Variants in CEP250 observed in about 807,000 individuals in gnomAD.
CEP250 encodes the protein centrosomal protein 250, also known as centrosome-associated protein CEP250.
In CEP250, 242 loss-of-function variants were observed where a neutral mutation model predicts 315.7. The observed-to-expected ratio is 0.77, with a 90% confidence interval of 0.69 to 0.85. The LOEUF (loss-of-function observed/expected upper bound fraction) is 0.85, where lower values mean the gene tolerates loss of function less well. Among genes scored for constraint, CEP250 ranks in the 40% least tolerant of loss-of-function variants. The pLI is 0.00. For synonymous variants in CEP250, 1,088 were observed against 1,175.0 expected (o/e 0.93, Z 1.51); for missense variants, 2,515 against 2,886.4 (o/e 0.87, Z 2.95).
At chr20:35,508,877 G>A in intron 32 of CEP250, 66 bp from the exon 33 acceptor site, 1 of 1,360,810 alleles carries the variant, frequency 7.3e-7, no homozygotes, top group Admixed American at 2.0e-5. Flanking sequence ...CACCTCTGGA[G>A]AAAGGCAGCT....
At chr20:35,480,851 G>T (rs2063327605) in intron 20 of CEP250, among the ~76,000 whole-genome samples, 1 of 151,976 alleles carries the variant, frequency 6.6e-6, no homozygotes, top group Non-Finnish European at 1.5e-5. Context: ...GCCTCCTAAA[G>T]TGCAGGGTAC....
rs1332642187 is a variant in CEP250, at chr20:35,473,994, G to A, written c.1513G>A (p.Gly505Ser). ...TCAGCTGCAGGGGGACTCTGCCCAGGGCCAGAAGGAGGAACAGCAGGAGGA... is the reference window on the plus strand; with the variant it reads ...TCAGCTGCAGGGGGACTCTGCCCAGAGCCAGAAGGAGGAACAGCAGGAGGA... ...ELQLQGDSAQGQKEEQQEELH... is the reference protein window; with the variant it reads ...ELQLQGDSAQSQKEEQQEELH... Residue 505 changes from glycine (G) to serine (S), a missense_variant, in exon 14 of 35, where the codon GGC (glycine) becomes AGC (serine). Gly to Ser is a moderately conservative substitution (Grantham distance 56, BLOSUM62 0). Coordinates refer to ENST00000397527, the MANE Select transcript of CEP250 (RefSeq NM_007186.6). The A allele has an allele frequency of 1.9e-6, 3 of 1,604,310 alleles. No individual in the cohort carries two copies. The highest frequency in any genetic ancestry group is 1.3e-5 in the African/African-American group (1 of 74,368).
chr20:35,470,102 C>A, intron 10 of CEP250, 116 bp downstream of exon 10: 2 of 703,474 alleles, frequency 2.8e-6, no homozygotes, highest in Admixed American at 2.8e-5. Context: ...TCCTCTAAAG[C>A]TAAAAAATAA....
rs1017932885 is a variant in CEP250, at chr20:35,517,543, G to A, written c.*5917G>A. ...CCCATGCATCCAAACTTTTTTCTTT[G>A]GTAGACTTTCTTGTCATCTATTTAA... On this transcript the variant is annotated 3_prime_UTR_variant, in exon 35 of 35. Transcript: ENST00000397527. 1 of 152,076 alleles carries A rather than the reference G, an allele frequency of 6.6e-6. No individual in the cohort carries two copies. Among genetic ancestry groups the A allele is most frequent in the Admixed American group, 6.5e-5 (1 of 15,268 alleles). 9.4% of individuals were successfully genotyped at this position (152,076 alleles called of 1,614,324 possible). A position where few individuals can be genotyped will look rare whatever the true frequency, so the allele number is the denominator to read the frequency against.
Position 35,466,997 on chromosome 20 carries a change from G to A in CEP250, c.524G>A (p.Gly175Asp). 1.9e-6 allele frequency: 3 copies of A among 1,613,814 alleles called. No individual in the cohort carries two copies. Among genetic ancestry groups the A allele is most frequent in the Non-Finnish European group, 2.5e-6 (3 of 1,179,726 alleles). Reference sequence around the variant, plus strand: ...AAGGGCTACCTGAAAGGGGAGCACGGTCGCCTTCTCAGTCTATGGCGGGAG... The same window carrying A: ...AAGGGCTACCTGAAAGGGGAGCACGATCGCCTTCTCAGTCTATGGCGGGAG... ...FFKGYLKGEHGRLLSLWREVV... is the reference protein window; with the variant it reads ...FFKGYLKGEHDRLLSLWREVV... Residue 175 changes from glycine (G) to aspartate (D), a missense_variant, in exon 8 of 35, where the codon GGT (glycine) becomes GAT (aspartate). Physicochemically the swap from Gly to Asp is moderately conservative, Grantham distance 94. Transcript: ENST00000397527.
chr20:35,505,158 T>C (rs748224297), intron 30 of CEP250, among the ~76,000 whole-genome samples, 153 bp downstream of exon 30: 6 of 152,164 alleles, frequency 3.9e-5, no homozygotes, highest in Non-Finnish European at 5.9e-5. Flanking sequence ...CAGGCTACTG[T>C]GCTAGTCGGG....
intron 14 of CEP250, 110 bp from the exon 15 acceptor site, chr20:35,475,392 A>G: frequency 8.5e-7 from 1 of 1,175,278 alleles, no homozygotes; most frequent in East Asian, 2.4e-5. Context: ...ATCAGTGTTT[A>G]TAGACCATCC....
rs1042285745 is a variant in CEP250, at chr20:35,514,964, G to C, written c.*3338G>C. 1 of 152,248 alleles carries C rather than the reference G, an allele frequency of 6.6e-6. No individual in the cohort carries two copies. The highest frequency in any genetic ancestry group is 1.5e-5 in the Non-Finnish European group (1 of 68,086). 9.4% of individuals were successfully genotyped at this position (152,248 alleles called of 1,614,324 possible). On this transcript the variant is annotated 3_prime_UTR_variant, in exon 35 of 35. Transcript: ENST00000397527. Reference sequence around the variant, plus strand: ...AATAGGCCCTGTTTTATTCTACAGAGATAGGAAGGCACTGGGGCTCACAGA... The same window carrying C: ...AATAGGCCCTGTTTTATTCTACAGACATAGGAAGGCACTGGGGCTCACAGA...
intron 21 of CEP250, 148 bp from the exon 22 acceptor site, chr20:35,491,064 C>T: frequency 1.0e-6 from 1 of 1,002,280 alleles, no homozygotes; most frequent in Non-Finnish European, 1.5e-6. Flanking sequence ...CTTCCTTGTT[C>T]TGAACCCATG....
chr20:35,472,934 AC>A, intron 12 of CEP250, 103 bp downstream of exon 12: 1 of 1,171,204 alleles, frequency 8.5e-7, no homozygotes, highest in South Asian at 1.4e-5. Context: ...CACTTTTTTG[AC>A]CAGTCATGAG....
At chr20:35,477,085 G>A (rs146430075) in intron 16 of CEP250, among the ~76,000 whole-genome samples, 3,210 of 151,136 alleles carry the variant, frequency 0.021, 73 homozygotes, top group South Asian at 0.12. Flanking sequence ...ATCTTGGCTC[G>A]CTGCAACCTC....
At chr20:35,467,629 G>T (rs1203523561) in intron 9 of CEP250, 74 bp downstream of exon 9, 18 of 823,718 alleles carry the variant, frequency 2.2e-5, no homozygotes, top group Non-Finnish European at 2.7e-5. Flanking sequence ...GGGACAGGCA[G>T]GGGGAGGTGC....
chr20:35,488,308 C>T (rs890795750), intron 20 of CEP250, among the ~76,000 whole-genome samples: 2 of 152,190 alleles, frequency 1.3e-5, no homozygotes, highest in Admixed American at 1.3e-4. Flanking sequence ...CAGTCACATA[C>T]TCTGCCACTG....
In CEP250 at chr20:35,466,149, G is replaced by T. The variant is rs549020994; in HGVS notation, c.437G>T (p.Ser146Ile). 1.2e-6 allele frequency: 2 copies of T among 1,612,648 alleles called. No individual in the cohort carries two copies. The highest frequency in any genetic ancestry group is 2.2e-5 in the East Asian group (1 of 44,840). The change falls in exon 7 of 35, where the codon AGC becomes ATC. Residue 146 changes from serine to isoleucine, a missense_variant. Ser to Ile is a moderately radical substitution (Grantham distance 142). Transcript: ENST00000397527. ...EDVEKLTVDW[S>I]RARDELMRKE... ...GTGGAAAAACTGACAGTGGACTGGA[G>T]CCGGGCCCGGGATGAGCTAATGAGG...
chr20:35,497,573 G>T (rs1448789793), intron 25 of CEP250, 146 bp from the exon 26 acceptor site: 4 of 630,228 alleles, frequency 6.3e-6, no homozygotes, highest in Non-Finnish European at 1.1e-5. Flanking sequence ...TCATTTCAGA[G>T]CCCCTCTACC....
intron 5 of CEP250, 66 bp downstream of exon 5, chr20:35,463,697 G>GTT: frequency 7.3e-7 from 1 of 1,362,960 alleles, no homozygotes; most frequent in Non-Finnish European, 9.9e-7. Context: ...GGTTTCATTT[G>GTT]TTGACTGAGG....
At chr20:35,471,956 T>A in intron 10 of CEP250, 94 bp from the exon 11 acceptor site, 1 of 756,130 alleles carries the variant, frequency 1.3e-6, no homozygotes, top group Non-Finnish European at 2.4e-6. Context: ...GCTGATAGAA[T>A]AGACAGAATG....
intron 1 of CEP250, among the ~76,000 whole-genome samples, chr20:35,456,843 C>T (rs944936013): frequency 1.4e-5 from 2 of 147,994 alleles, no homozygotes; most frequent in Admixed American, 1.4e-4. Flanking sequence ...TGCAGTGGTG[C>T]GATCTGGGTT....
intron 13 of CEP250, 92 bp downstream of exon 13, chr20:35,473,644 G>A (rs1568773552): frequency 2.3e-6 from 3 of 1,331,076 alleles, no homozygotes; most frequent in Admixed American, 2.6e-5. Context: ...AGGTTTTTGG[G>A]GTGCTGATCC....
Sources: gnomAD v4.1 joint callset for allele counts (sites outside exome capture counted in the v4.1 genomes callset) on GRCh38, gnomAD v4.1.1 for gene constraint, MANE v1.5 for transcripts, NCBI Gene and HGNC (gene_info 2026-07-23, HGNC 2026-07-21) for gene names.